The following AMN1 variants were observed in gnomAD, a reference collection of about 807,000 sequenced individuals.
AMN1 encodes antagonist of mitotic exit network 1 homolog.
In AMN1, 20 loss-of-function variants were observed where a neutral mutation model predicts 33.0. The observed-to-expected ratio is 0.61, with a 90% CI of 0.43 to 0.88. The LOEUF (loss-of-function observed/expected upper bound fraction) is 0.88. Among genes scored for constraint, AMN1 ranks in the 40% least tolerant of loss-of-function variants. AMN1 has a pLI of 0.00. For synonymous variants in AMN1, 114 were observed against 111.9 expected (o/e 1.02, Z -0.12); for missense variants, 246 against 307.4 (o/e 0.80, Z 1.49).
Position 31,709,416 on chromosome 12 carries a change from C to G in AMN1, c.48G>C (p.Trp16Cys), listed in dbSNP as rs1939383503. 1 of 1,612,026 alleles carries G rather than the reference C, an allele frequency of 6.2e-7. No individual in the cohort carries two copies. Among genetic ancestry groups the G allele is most frequent in the Non-Finnish European group, 8.5e-7 (1 of 1,178,754 alleles). Residue 16 changes from tryptophan (W) to cysteine (C), a missense_variant, in exon 2 of 7, where the codon TGG (tryptophan) becomes TGC (cysteine). Coordinates refer to ENST00000281471, the MANE Select transcript of AMN1 (RefSeq NM_001113402.2). ...RVSQLLDLCL[W>C]CFMKNISRYL... ...ATCTGGAAATATTCTTCATGAAGCACCAAAGGCATCTGAAATACAAATACA... is the reference window on the plus strand; with the variant it reads ...ATCTGGAAATATTCTTCATGAAGCAGCAAAGGCATCTGAAATACAAATACA...
At chr12:31,682,818 G>A (rs980150097) in intron 6 of AMN1, among the ~76,000 whole-genome samples, 1 of 152,118 alleles carries the variant, frequency 6.6e-6, no homozygotes, top group African/African-American at 2.4e-5. Flanking sequence ...GTAACACCTA[G>A]TCCAGCATTT....
At chr12:31,715,391 A>G (rs1317613602) in intron 1 of AMN1, 2 of 209,298 alleles carry the variant, frequency 9.6e-6, no homozygotes, top group Non-Finnish European at 2.1e-5. Context: ...GCTCTTCCGC[A>G]TTTCTTCAAC....
intron 1 of AMN1, among the ~76,000 whole-genome samples, chr12:31,727,978 G>A (rs573469382): frequency 7.2e-5 from 11 of 151,956 alleles, no homozygotes; most frequent in Non-Finnish European, 1.6e-4. Context: ...CAAGTGCCTC[G>A]GCCTCCCAAA....
chr12:31,699,096 A>G (rs1027197141), intron 3 of AMN1, among the ~76,000 whole-genome samples: 1 of 152,030 alleles, frequency 6.6e-6, no homozygotes, highest in African/African-American at 2.4e-5. Context: ...ATTAAGCTCT[A>G]TAAAAACTCT....
intron 6 of AMN1, among the ~76,000 whole-genome samples, chr12:31,678,268 C>T (rs550065175): frequency 2.6e-5 from 4 of 152,236 alleles, no homozygotes; most frequent in Non-Finnish European, 4.4e-5. Flanking sequence ...GCCTCCCAAC[C>T]TCTAAGGAAC....
chr12:31,674,747 G>A (rs1327912121), intron 6 of AMN1, among the ~76,000 whole-genome samples: 4 of 152,098 alleles, frequency 2.6e-5, no homozygotes, highest in Non-Finnish European at 4.4e-5. Context: ...GGCTGGGTAC[G>A]GTGGCTCATG....
Position 31,687,042 on chromosome 12 carries a change from ACT to A in AMN1, c.703+1963_703+1964del, listed in dbSNP as rs979555211. On this transcript the variant is annotated intron_variant, in intron 6 of 6. Coordinates refer to ENST00000281471, the MANE Select transcript of AMN1 (RefSeq NM_001113402.2). The surrounding 1 kb of genome is among the most constrained non-coding windows in gnomAD (Gnocchi z 4.1). ...TTTTCTTTTTTTGACACAGGGTCTC[ACT>A]CTGTTACCCAGACTGGGGTGCAGTG... 6.6e-6 allele frequency among the ~76,000 whole-genome samples: 1 copy of A among 151,340 alleles called. No homozygotes were observed. The highest frequency in any genetic ancestry group is 2.4e-5 in the African/African-American group (1 of 41,156).
intron 1 of AMN1, among the ~76,000 whole-genome samples, chr12:31,712,520 A>G (rs1939508315): frequency 6.6e-6 from 1 of 152,220 alleles, no homozygotes; most frequent in Non-Finnish European, 1.5e-5. Context: ...TGTTGGGAAT[A>G]CAGGCATGAG....
At chr12:31,699,416 AAAAAAG>A (rs1565772601) in intron 3 of AMN1, among the ~76,000 whole-genome samples, 2 of 149,590 alleles carry the variant, frequency 1.3e-5, no homozygotes, top group African/African-American at 4.9e-5. Flanking sequence ...AAAAAAAAAA[AAAAAAG>A]AAAGAAAAGA....
intron 2 of AMN1, among the ~76,000 whole-genome samples, chr12:31,704,147 TGTCC>T (rs1416912246): frequency 3.3e-5 from 5 of 152,190 alleles, no homozygotes; most frequent in Non-Finnish European, 7.3e-5. Flanking sequence ...AATGCCAAAC[TGTCC>T]GTCTAAAAGG....
intron 6 of AMN1, among the ~76,000 whole-genome samples, chr12:31,680,919 C>T (rs1241839269): frequency 1.3e-5 from 2 of 151,996 alleles, no homozygotes; most frequent in East Asian, 3.9e-4. Flanking sequence ...AACAAAAAAC[C>T]CCCACAAACA....
At chr12:31,714,190 G>A (rs947543150) in intron 1 of AMN1, among the ~76,000 whole-genome samples, 11 of 151,978 alleles carry the variant, frequency 7.2e-5, no homozygotes, top group African/African-American at 2.4e-4. Context: ...TAGCTTTTAC[G>A]GCAGGAAAGC....
chr12:31,707,638 T>C (rs1260902483), intron 2 of AMN1, among the ~76,000 whole-genome samples: 2 of 152,238 alleles, frequency 1.3e-5, no homozygotes, highest in Non-Finnish European at 2.9e-5. Context: ...TTAGGACATA[T>C]GAATTAAATA....
chr12:31,689,583 T>C (rs73303848), intron 5 of AMN1, among the ~76,000 whole-genome samples: 5,029 of 152,278 alleles, frequency 0.033, 280 homozygotes, highest in African/African-American at 0.11. Context: ...GCAAACAGTA[T>C]GGTAGTATCT....
intron 1 of AMN1, among the ~76,000 whole-genome samples, chr12:31,712,599 A>G (rs542964816): frequency 6.6e-6 from 1 of 152,176 alleles, no homozygotes; most frequent in South Asian, 2.1e-4. Context: ...TATGTATTAT[A>G]CCACATTTTC....
chr12:31,703,906 T>G (rs1939112620), intron 2 of AMN1, among the ~76,000 whole-genome samples: 1 of 152,216 alleles, frequency 6.6e-6, no homozygotes, highest in African/African-American at 2.4e-5. Flanking sequence ...ACCCTATGAT[T>G]GCCATCAAGC....
At chr12:31,690,640 C>G (rs543629963) in intron 5 of AMN1, among the ~76,000 whole-genome samples, 1 of 151,976 alleles carries the variant, frequency 6.6e-6, no homozygotes, top group South Asian at 2.1e-4. Flanking sequence ...TGAGTTTGTT[C>G]TAGATTCTGG....
rs564887020 is a variant in AMN1, at chr12:31,671,660, T to A, written c.*644A>T. The A allele has an allele frequency of 6.6e-6, 1 of 152,310 alleles. No individual in the cohort carries two copies. Among genetic ancestry groups the A allele is most frequent in the East Asian group, 1.9e-4 (1 of 5,194 alleles). The allele number at this position is 152,310 out of a possible 1,614,324, so 9.4% of individuals were successfully genotyped here. ...TAAGGAAGGAAAGCTTACAGATGCA[T>A]AAAATGTAACTGGGAAGAGTAGCCA... On this transcript the variant is annotated 3_prime_UTR_variant, in exon 7 of 7. Transcript: ENST00000281471.
Position 31,716,758 on chromosome 12 carries a change from G to A in AMN1, c.39-7333C>T, listed in dbSNP as rs563039148. Among the ~76,000 whole-genome samples the A allele has an allele frequency of 1.3e-3, 205 of 152,020 alleles. 1 individual carries two copies. The highest frequency in any genetic ancestry group is 4.3e-3 in the African/African-American group (180 of 41,458). On this transcript the variant is annotated intron_variant, in intron 1 of 6. Coordinates refer to ENST00000281471, the MANE Select transcript of AMN1 (RefSeq NM_001113402.2). ...TATGAACCTTCTGTTTGTTATATAC[G>A]TTGCAAATATATTCCCCCATTCCGT...
Sources: allele counts gnomAD v4.1 joint callset (sites outside exome capture counted in the v4.1 genomes callset), GRCh38; gene constraint gnomAD v4.1.1; non-coding constraint Gnocchi (gnomAD v3.1); transcripts MANE v1.5; gene names NCBI Gene and HGNC (gene_info 2026-07-23, HGNC 2026-07-21).